LGR4: variants seen among roughly 807,000 people sequenced by gnomAD.
LGR4 encodes the protein leucine rich repeat containing G protein-coupled receptor 4, also known as leucine-rich repeat-containing G protein-coupled receptor 4.
In LGR4, 44 loss-of-function variants were observed where a neutral mutation model predicts 84.8. That is an observed-to-expected ratio of 0.52 (90% confidence interval 0.41 to 0.67). The LOEUF is 0.67. LGR4 is among the 30% of genes least tolerant of loss of function. LGR4 has a pLI of 0.00. For synonymous variants in LGR4, 429 were observed against 434.3 expected, an observed-to-expected ratio of 0.99 and a Z score of 0.15; for missense variants, 1,032 against 1,131.4, an observed-to-expected ratio of 0.91 and a Z score of 1.26.
intron 1 of LGR4, among the ~76,000 whole-genome samples, chr11:27,416,476 G>A (rs554413464): frequency 2.6e-5 from 4 of 152,206 alleles, no homozygotes; most frequent in South Asian, 4.1e-4. Flanking sequence ...CCATGTTTTC[G>A]CTGCTCCTGG....
intron 2 of LGR4, among the ~76,000 whole-genome samples, chr11:27,404,523 C>T (rs766657673): frequency 1.3e-5 from 2 of 152,144 alleles, no homozygotes; most frequent in African/African-American, 4.8e-5. Context: ...ATCCTAGTGG[C>T]CAGTGAATAA....
At position 27,366,330 on chromosome 11, in the gene LGR4, C is replaced by T. The variant is rs573507723; in HGVS notation, c.*1537G>A. On this transcript the variant is annotated 3_prime_UTR_variant, in exon 18 of 18. Coordinates refer to ENST00000379214, the MANE Select transcript of LGR4 (RefSeq NM_018490.5). The stretch of plus-strand genomic sequence containing the variant: ...GACAATGTACAACAAAGACTATTTA[C>T]AATGCAAAAAGTATATAAACCACAA... 6 of 152,578 alleles carry T rather than the reference C, an allele frequency of 3.9e-5. No individual in the cohort carries two copies. The highest frequency in any genetic ancestry group is 1.4e-4 in the African/African-American group (6 of 41,540). The allele number at this position is 152,578 out of a possible 1,614,324, so 9.5% of individuals were successfully genotyped here.
At chr11:27,423,869 T>C (rs892080663) in intron 1 of LGR4, among the ~76,000 whole-genome samples, 1 of 152,244 alleles carries the variant, frequency 6.6e-6, no homozygotes, top group Non-Finnish European at 1.5e-5. Context: ...TATGGTCCCT[T>C]GTTTCTTTCT....
intron 2 of LGR4, among the ~76,000 whole-genome samples, chr11:27,393,818 C>A (rs1210570950): frequency 6.6e-6 from 1 of 151,690 alleles, no homozygotes; most frequent in Non-Finnish European, 1.5e-5. Context: ...TGGCCTGAAG[C>A]TCTACTTTTA....
intron 1 of LGR4, among the ~76,000 whole-genome samples, chr11:27,466,468 C>A (rs1300743554): frequency 6.6e-6 from 1 of 152,168 alleles, no homozygotes; most frequent in African/African-American, 2.4e-5. Flanking sequence ...TCCAAACTTG[C>A]AGGCTGCCAG....
At chr11:27,369,236 A>G in intron 17 of LGR4, 93 bp from the exon 18 acceptor site, 1 of 995,932 alleles carries the variant, frequency 1.0e-6, no homozygotes, top group Non-Finnish European at 1.4e-6. Flanking sequence ...CTAATGATAT[A>G]GACTAATTAA....
At chr11:27,412,210 T>C (rs541577262) in intron 2 of LGR4, among the ~76,000 whole-genome samples, 1 of 152,224 alleles carries the variant, frequency 6.6e-6, no homozygotes, top group East Asian at 1.9e-4. Context: ...CAGTGCAAAC[T>C]GTTAAATTGG....
At chr11:27,440,893 A>C (rs1037565634) in intron 1 of LGR4, among the ~76,000 whole-genome samples, 5 of 152,160 alleles carry the variant, frequency 3.3e-5, no homozygotes, top group Admixed American at 1.3e-4. Flanking sequence ...GGGTCTCAGC[A>C]ATGTGTTTTA....
intron 1 of LGR4, among the ~76,000 whole-genome samples, chr11:27,415,876 A>C (rs867998394): frequency 6.6e-6 from 1 of 152,164 alleles, no homozygotes; most frequent in African/African-American, 2.4e-5. Flanking sequence ...TTAAGAGTAG[A>C]TTCTAGATCT....
At chr11:27,457,377 G>A (rs369383257) in intron 1 of LGR4, among the ~76,000 whole-genome samples, 1 of 152,144 alleles carries the variant, frequency 6.6e-6, no homozygotes. Context: ...GTCTCTGGCG[G>A]GGATTACAGC....
At chr11:27,460,387 A>G (rs1170035082) in intron 1 of LGR4, among the ~76,000 whole-genome samples, 1 of 152,236 alleles carries the variant, frequency 6.6e-6, no homozygotes, top group East Asian at 1.9e-4. Context: ...TTCAAGGCCT[A>G]TCCTACTGGG....
chr11:27,441,038 G>C (rs1305668135), intron 1 of LGR4, among the ~76,000 whole-genome samples: 7 of 152,320 alleles, frequency 4.6e-5, no homozygotes, highest in African/African-American at 1.7e-4. Context: ...GTAGGGTTGG[G>C]AGAGTGTCCC....
intron 1 of LGR4, among the ~76,000 whole-genome samples, chr11:27,441,285 C>A (rs1864300579): frequency 6.6e-6 from 1 of 151,534 alleles, no homozygotes; most frequent in South Asian, 2.1e-4. Flanking sequence ...TGTCAAAGTT[C>A]CATTCTCATT....
intron 13 of LGR4, among the ~76,000 whole-genome samples, 187 bp downstream of exon 13, chr11:27,376,112 G>A (rs1268623624): frequency 6.6e-6 from 1 of 151,968 alleles, no homozygotes; most frequent in African/African-American, 2.4e-5. Flanking sequence ...GAGTAGCTGG[G>A]ATTACAGGCA....
chr11:27,400,388 G>A (rs72889517), intron 2 of LGR4, among the ~76,000 whole-genome samples: 2,177 of 151,906 alleles, frequency 0.014, 29 homozygotes, highest in Middle Eastern at 0.052. Flanking sequence ...TGTTTCCTAC[G>A]TGCCTTCTCC....
At chr11:27,432,394 C>T (rs1162281814) in intron 1 of LGR4, among the ~76,000 whole-genome samples, 1 of 152,162 alleles carries the variant, frequency 6.6e-6, no homozygotes, top group African/African-American at 2.4e-5. Flanking sequence ...GGTCAAGCCA[C>T]AGGATAAGGA....
intron 1 of LGR4, among the ~76,000 whole-genome samples, chr11:27,435,675 A>G (rs1487287621): frequency 2.6e-5 from 4 of 151,510 alleles, no homozygotes; most frequent in Non-Finnish European, 5.9e-5. Flanking sequence ...TTTAGTAGAG[A>G]TGGGGTTTCA....
At chr11:27,412,385 C>T (rs183205604) in intron 2 of LGR4, among the ~76,000 whole-genome samples, 97 of 152,246 alleles carry the variant, frequency 6.4e-4, no homozygotes, top group Middle Eastern at 3.4e-3. Context: ...GAAATTGTTG[C>T]TCATGGCCCT....
intron 1 of LGR4, among the ~76,000 whole-genome samples, chr11:27,468,112 G>GA (rs201306188): frequency 1.3e-5 from 2 of 151,584 alleles, no homozygotes; most frequent in African/African-American, 2.4e-5. Context: ...AGTAGTGGGG[G>GA]AAAAAAAATA....
Sources: allele counts gnomAD v4.1 joint callset (sites outside exome capture counted in the v4.1 genomes callset), GRCh38; gene constraint gnomAD v4.1.1; transcripts MANE v1.5; gene names NCBI Gene and HGNC (gene_info 2026-07-23, HGNC 2026-07-21).